STK4: variants seen among roughly 807,000 people sequenced by gnomAD.
STK4 encodes serine/threonine kinase 4, also known as serine/threonine-protein kinase 4.
In STK4, 30 loss-of-function variants were observed where a neutral mutation model predicts 64.9. That is an observed-to-expected ratio of 0.46 (90% CI 0.35 to 0.63). The LOEUF is 0.63. Ranked by LOEUF, STK4 falls within the 20% of genes least tolerant of loss-of-function variation. The pLI, the probability that STK4 is intolerant of heterozygous loss-of-function variation, is 0.01. For missense variants in STK4, 466 were observed against 598.5 expected (o/e 0.78, Z 2.31); for synonymous variants, 177 against 199.0 (o/e 0.89, Z 0.93).
In STK4 at chr20:44,987,128, TCAG is replaced by T. The variant is rs1169864354; in HGVS notation, c.361-3_361-1del. 6.3e-7 allele frequency: 1 copy of T among 1,579,612 alleles called. No individual in the cohort carries two copies. The highest frequency in any genetic ancestry group is 8.6e-7 in the Non-Finnish European group (1 of 1,164,486). On this transcript the variant is annotated splice_acceptor_variant and splice_polypyrimidine_tract_variant and intron_variant, in intron 4 of 10. Coordinates refer to ENST00000372806, the MANE Select transcript of STK4 (RefSeq NM_006282.5). LOFTEE classifies it high-confidence loss of function. ...AGAATTTGAACTTCTTATTCTTTTTTCAGTTAACAGAAGATGAAATAGCTACAA... is the reference window on the plus strand; with the variant it reads ...AGAATTTGAACTTCTTATTCTTTTTTTTAACAGAAGATGAAATAGCTACAA...
chr20:45,013,542 A>C lies in STK4; in HGVS notation c.1148-11431A>C, dbSNP rs376055826. ...TATTCGGAAGTGTTTTTTAATAGCAAATGTATGATTTTTAAAAACTGCTTA... is the reference window on the plus strand; with the variant it reads ...TATTCGGAAGTGTTTTTTAATAGCACATGTATGATTTTTAAAAACTGCTTA... On this transcript the variant is annotated intron_variant, in intron 9 of 10. Coordinates refer to ENST00000372806, the MANE Select transcript of STK4 (RefSeq NM_006282.5). Among the ~76,000 whole-genome samples, 12 of 152,224 alleles carry C rather than the reference A, an allele frequency of 7.9e-5. 1 individual carries two copies. The East Asian group carries it at 1.9e-3, about 24-fold the overall frequency.
intron 3 of STK4, among the ~76,000 whole-genome samples, chr20:44,980,344 T>C (rs6031899): frequency 0.019 from 2,950 of 152,300 alleles, 93 homozygotes; most frequent in African/African-American, 0.067. Context: ...ATTGTAAGAG[T>C]TCTGAGTTAA....
chr20:45,062,690 G>A (rs190584665), intron 10 of STK4, among the ~76,000 whole-genome samples: 7 of 151,820 alleles, frequency 4.6e-5, no homozygotes, highest in Non-Finnish European at 1.0e-4. Context: ...ACGGAGTCTC[G>A]CTTTGTCGCC....
chr20:45,024,406 G>A (rs2068307381), intron 9 of STK4, among the ~76,000 whole-genome samples: 1 of 151,546 alleles, frequency 6.6e-6, no homozygotes, highest in Admixed American at 6.6e-5. Context: ...TAAGCCATAT[G>A]TAGATAGTAT....
intron 2 of STK4, chr20:44,973,980 A>G (rs115766104): frequency 1.6e-3 from 247 of 152,368 alleles, no homozygotes; most frequent in African/African-American, 5.7e-3. Flanking sequence ...GGGTTTGTGG[A>G]ATGTCAAAGG....
intron 5 of STK4, among the ~76,000 whole-genome samples, chr20:44,993,022 G>A (rs755893145): frequency 3.3e-5 from 5 of 151,940 alleles, no homozygotes; most frequent in Non-Finnish European, 4.4e-5. Context: ...TAAAGTATTC[G>A]TTGGGCTTTG....
intron 5 of STK4, among the ~76,000 whole-genome samples, chr20:44,993,800 G>C (rs1017283007): frequency 7.2e-5 from 11 of 152,126 alleles, no homozygotes; most frequent in African/African-American, 2.7e-4. Context: ...CCAATGTGGC[G>C]AGACCTTGTC....
chr20:45,007,792 C>T, intron 9 of STK4: 1 of 423,910 alleles, frequency 2.4e-6, no homozygotes. Flanking sequence ...ATTTTACATA[C>T]AGGGGGTACA....
intron 10 of STK4, among the ~76,000 whole-genome samples, chr20:45,070,962 A>G (rs1980017635): frequency 1.3e-5 from 2 of 151,982 alleles, no homozygotes; most frequent in African/African-American, 4.8e-5. Context: ...TGACCATGCT[A>G]TTTAATTACC....
chr20:44,989,337 G>C (rs977666956), intron 5 of STK4, among the ~76,000 whole-genome samples: 1 of 152,010 alleles, frequency 6.6e-6, no homozygotes, highest in Non-Finnish European at 1.5e-5. Flanking sequence ...TTGTGGTCTT[G>C]ATTTGCATTT....
chr20:45,013,877 G>T (rs938637342), intron 9 of STK4, among the ~76,000 whole-genome samples: 5 of 151,738 alleles, frequency 3.3e-5, no homozygotes, highest in African/African-American at 7.3e-5. Flanking sequence ...TGTTAATTTT[G>T]GTATTACTCA....
intron 3 of STK4, among the ~76,000 whole-genome samples, chr20:44,980,011 A>G (rs1164702162): frequency 6.6e-6 from 1 of 152,132 alleles, no homozygotes; most frequent in Non-Finnish European, 1.5e-5. Flanking sequence ...TCAAGCGTCT[A>G]CTCTGTGCTA....
At chr20:45,027,430 C>CAA (rs35208496) in intron 10 of STK4, among the ~76,000 whole-genome samples, 15 of 79,368 alleles carry the variant, frequency 1.9e-4, no homozygotes, top group East Asian at 1.1e-3. Flanking sequence ...AACTCCGTCT[C>CAA]AAAAAAAAAA....
chr20:45,036,606 G>A (rs184828911), intron 10 of STK4, among the ~76,000 whole-genome samples: 1 of 152,108 alleles, frequency 6.6e-6, no homozygotes, highest in African/African-American at 2.4e-5. Flanking sequence ...AAAAATAAGG[G>A]GGGAAAAACC....
At chr20:45,030,333 TG>T (rs1327381864) in intron 10 of STK4, among the ~76,000 whole-genome samples, 1 of 151,888 alleles carries the variant, frequency 6.6e-6, no homozygotes, top group African/African-American at 2.4e-5. Flanking sequence ...CTTGAACACC[TG>T]ACCTTGTGAT....
chr20:45,026,544 G>T (rs1266912957), intron 10 of STK4, among the ~76,000 whole-genome samples: 1 of 152,116 alleles, frequency 6.6e-6, no homozygotes, highest in Non-Finnish European at 1.5e-5. Context: ...GCATCAATAG[G>T]ATGTGCAGCA....
At position 45,077,315 on chromosome 20, in the gene STK4, G is replaced by T. The variant is rs1377810274; in HGVS notation, c.*2139G>T. 1 of 152,192 alleles carries T rather than the reference G, an allele frequency of 6.6e-6. No individual in the cohort carries two copies. The highest frequency in any genetic ancestry group is 1.5e-5 in the Non-Finnish European group (1 of 68,030). The allele number at this position is 152,192 out of a possible 1,614,324, so 9.4% of individuals were successfully genotyped here. On this transcript the variant is annotated 3_prime_UTR_variant, in exon 11 of 11. Transcript: ENST00000372806. ...ATTAGTAGTTAAGTCTGATAGCCAA[G>T]TAAGTTTTAAAAACCAAAGCATCCA... is the stretch of plus-strand genomic sequence containing the variant.
chr20:45,001,465 A>G (rs2067840544), intron 9 of STK4, 112 bp downstream of exon 9: 11 of 1,294,678 alleles, frequency 8.5e-6, no homozygotes, highest in Non-Finnish European at 9.2e-6. Flanking sequence ...TTTTGTCACA[A>G]CCAAAGGAGT....
intron 1 of STK4, chr20:44,970,590 C>T (rs2067226352): frequency 6.6e-6 from 1 of 152,068 alleles, no homozygotes; most frequent in African/African-American, 2.4e-5. Context: ...TCACTTCATC[C>T]CTTTTCATTT....
Sources: allele counts gnomAD v4.1 joint callset (sites outside exome capture counted in the v4.1 genomes callset), GRCh38; gene constraint gnomAD v4.1.1; transcripts MANE v1.5; gene names NCBI Gene and HGNC (gene_info 2026-07-23, HGNC 2026-07-21).